ADAMTS9: variants seen among roughly 807,000 people sequenced by gnomAD.
ADAMTS9 encodes the protein ADAM metallopeptidase with thrombospondin type 1 motif 9.
A neutral mutation model predicts 257.1 loss-of-function variants in ADAMTS9; 107 were observed. That is an observed-to-expected ratio of 0.42 (90% CI 0.36 to 0.49). ADAMTS9 has a LOEUF of 0.49. ADAMTS9 is among the 20% of genes least tolerant of loss of function. ADAMTS9 has a pLI of 0.03. For missense variants in ADAMTS9, 2,353 were observed against 2,469.1 expected (o/e 0.95, Z 1.00); for synonymous variants, 982 against 880.9 (o/e 1.11, Z -2.03).
intron 21 of ADAMTS9, 31 bp downstream of exon 21, chr3:64,615,290 C>A: frequency 6.2e-7 from 1 of 1,608,000 alleles, no homozygotes. Context: ...TAAGAGATGA[C>A]CTAGGGGAAA....
At chr3:64,671,079 A>T (rs756411432) in intron 3 of ADAMTS9, among the ~76,000 whole-genome samples, 15 of 152,220 alleles carry the variant, frequency 9.9e-5, no homozygotes, top group Non-Finnish European at 1.8e-4. Context: ...TTCACACAAA[A>T]ATCTGTATGC....
chr3:64,616,051 C>G lies in ADAMTS9; in HGVS notation c.2933G>C (p.Gly978Ala), dbSNP rs868693196. 2 of 1,613,940 alleles carry G rather than the reference C, an allele frequency of 1.2e-6. No individual in the cohort carries two copies. Among genetic ancestry groups the G allele is most frequent in the Admixed American group, 1.7e-5 (1 of 59,992 alleles). ...TGGTTTGGGATGGCTGCTGCAAAAA[C>G]CATCATCAACCTTCTCAGTCTTCCC... ...LDGKTEKVDD[G>A]FCSSHPKPSN... The change falls in exon 20 of 40, where the codon GGT becomes GCT. Residue 978 changes from glycine (G) to alanine (A), a missense_variant. Gly to Ala is a moderately conservative substitution (Grantham distance 60). Transcript: ENST00000498707.
At position 64,687,179 on chromosome 3, in the gene ADAMTS9, CCAGA is replaced by C. The variant is rs1395587288; in HGVS notation, c.116-215_116-212del. Among the ~76,000 whole-genome samples, 2 of 152,120 alleles carry C rather than the reference CCAGA, an allele frequency of 1.3e-5. No homozygotes were observed. The highest frequency in any genetic ancestry group is 2.9e-5 in the Non-Finnish European group (2 of 68,038). On this transcript the variant is annotated intron_variant, in intron 1 of 39. Transcript: ENST00000498707. The surrounding 1 kb of genome is among the most constrained non-coding windows in gnomAD (Gnocchi z 4.4). ...GGTGCTGAGGATACACTATTCCGAG[CCAGA>C]CAATTAACAAGTCAAAATATATATG...
intron 28 of ADAMTS9, chr3:64,592,255 A>C (rs190941768): frequency 7.5e-4 from 115 of 152,326 alleles, no homozygotes; most frequent in African/African-American, 2.7e-3. Flanking sequence ...ATCACTTTAT[A>C]AAGAAACCAT....
intron 28 of ADAMTS9, among the ~76,000 whole-genome samples, chr3:64,574,941 C>G (rs2083797310): frequency 6.6e-6 from 1 of 152,164 alleles, no homozygotes; most frequent in Admixed American, 6.5e-5. Flanking sequence ...GTTAATAGCT[C>G]TGACTTTAAT....
chr3:64,683,230 C>T (rs766087306), intron 2 of ADAMTS9, among the ~76,000 whole-genome samples: 2 of 152,140 alleles, frequency 1.3e-5, no homozygotes, highest in Non-Finnish European at 2.9e-5. Flanking sequence ...CAGCTGGTGA[C>T]GATTTGCCAC....
In ADAMTS9 at chr3:64,568,484, C is replaced by A. The variant is rs2083596377; in HGVS notation, c.4408G>T (p.Ala1470Ser). 2 of 1,613,976 alleles carry A rather than the reference C, an allele frequency of 1.2e-6. No homozygotes were observed. The highest frequency in any genetic ancestry group is 1.7e-6 in the Non-Finnish European group (2 of 1,180,004). ...GHKQRNVYCM[A>S]KDGSHLESDY... Reference sequence around the variant, plus strand: ...CTTTCTAAATGGCTTCCATCTTTTGCCATGCAGTAAACATTTCGTTGTTTA... The same window carrying A: ...CTTTCTAAATGGCTTCCATCTTTTGACATGCAGTAAACATTTCGTTGTTTA... Residue 1470 changes from alanine (A) to serine (S), a missense_variant, in exon 29 of 40, where the codon GCA (alanine) becomes TCA (serine). Physicochemically the swap from Ala to Ser is moderately conservative, Grantham distance 99. Transcript: ENST00000498707.
chr3:64,517,775 T>G (rs1272030697), intron 39 of ADAMTS9, among the ~76,000 whole-genome samples: 1 of 152,166 alleles, frequency 6.6e-6, no homozygotes, highest in Non-Finnish European at 1.5e-5. Context: ...AAAATTTATC[T>G]TCTTAGATAC....
At chr3:64,632,638 G>A (rs1435698100) in intron 14 of ADAMTS9, among the ~76,000 whole-genome samples, 1 of 152,186 alleles carries the variant, frequency 6.6e-6, no homozygotes, top group African/African-American at 2.4e-5. Flanking sequence ...CAGAAGAAGA[G>A]AGTCCACATT....
chr3:64,619,689 T>C (rs1346034544), intron 19 of ADAMTS9, among the ~76,000 whole-genome samples: 2 of 152,104 alleles, frequency 1.3e-5, no homozygotes, highest in African/African-American at 4.8e-5. Flanking sequence ...TTAGAAAAAA[T>C]AGTTCTTAGT....
chr3:64,626,978 G>A (rs1053926750), intron 16 of ADAMTS9, among the ~76,000 whole-genome samples: 1 of 152,188 alleles, frequency 6.6e-6, no homozygotes, highest in Non-Finnish European at 1.5e-5. Flanking sequence ...TGGGCATCCT[G>A]AGGCTGCTCC....
chr3:64,596,665 A>T (rs2084369683), intron 27 of ADAMTS9, among the ~76,000 whole-genome samples, 165 bp downstream of exon 27: 1 of 152,208 alleles, frequency 6.6e-6, no homozygotes, highest in Admixed American at 6.5e-5. Flanking sequence ...TAATAGGAAC[A>T]CTTTAAAATA....
chr3:64,614,358 C>T (rs1559792547), intron 21 of ADAMTS9, among the ~76,000 whole-genome samples: 1 of 152,086 alleles, frequency 6.6e-6, no homozygotes, highest in Non-Finnish European at 1.5e-5. Context: ...TTCATTTGTC[C>T]AGGAATCAGA....
chr3:64,668,547 C>T (rs1279947549), intron 3 of ADAMTS9, among the ~76,000 whole-genome samples: 1 of 152,182 alleles, frequency 6.6e-6, no homozygotes, highest in Non-Finnish European at 1.5e-5. Flanking sequence ...TCAGTTTCCT[C>T]ATCTGTGAAA....
intron 30 of ADAMTS9, among the ~76,000 whole-genome samples, chr3:64,552,484 G>C (rs181000471): frequency 2.0e-3 from 301 of 152,246 alleles, no homozygotes; most frequent in African/African-American, 7.0e-3. Flanking sequence ...TCTTAATTTA[G>C]GCCAGGGATT....
rs1249056514 is a variant in ADAMTS9 at position 64,539,396 on chromosome 3, A to G, written c.5522-102T>C. ...AAGGAGACAGAAGGGAAGAAGAAGAATAAGAGGGAATGGGAGAGAAAGAAG... is the reference window on the plus strand; with the variant it reads ...AAGGAGACAGAAGGGAAGAAGAAGAGTAAGAGGGAATGGGAGAGAAAGAAG... On this transcript the variant is annotated intron_variant, in intron 36 of 39. Coordinates refer to ENST00000498707, the MANE Select transcript of ADAMTS9 (RefSeq NM_182920.2). 14 of 940,024 alleles carry G rather than the reference A, an allele frequency of 1.5e-5. No homozygotes were observed. In the Admixed American group the frequency reaches 2.0e-4, roughly 13 times the overall value. 58.2% of individuals were successfully genotyped at this position (940,024 alleles called of 1,614,324 possible).
chr3:64,633,655 T>TGCCG (rs1341459751), intron 13 of ADAMTS9, 43 bp downstream of exon 13: 1 of 1,613,914 alleles, frequency 6.2e-7, no homozygotes, highest in Non-Finnish European at 8.5e-7. Context: ...CTGGCCTCAG[T>TGCCG]GCCGGCCGGC....
intron 30 of ADAMTS9, 85 bp from the exon 31 acceptor site, chr3:64,551,147 C>T: frequency 1.4e-6 from 2 of 1,444,004 alleles, no homozygotes; most frequent in Non-Finnish European, 1.9e-6. Context: ...GTCTACATAG[C>T]CTTTAAGATC....
intron 38 of ADAMTS9, among the ~76,000 whole-genome samples, chr3:64,524,780 C>T (rs549595945): frequency 6.6e-6 from 1 of 152,342 alleles, no homozygotes; most frequent in South Asian, 2.1e-4. Flanking sequence ...GACCTGCGCT[C>T]CATAGAGTCT....
Sources: allele counts gnomAD v4.1 joint callset (sites outside exome capture counted in the v4.1 genomes callset), GRCh38; gene constraint gnomAD v4.1.1; non-coding constraint Gnocchi (gnomAD v3.1); transcripts MANE v1.5; gene names NCBI Gene and HGNC (gene_info 2026-07-23, HGNC 2026-07-21).